ARHGAP21: variants seen among roughly 807,000 people sequenced by gnomAD.
ARHGAP21 encodes rho GTPase-activating protein 21.
ARHGAP21 carries 38 observed loss-of-function variants against 164.6 expected under a neutral mutation model. The observed-to-expected ratio is 0.23, with a 90% CI of 0.18 to 0.30. The LOEUF is 0.30. Ranked by LOEUF, ARHGAP21 falls within the 10% of genes least tolerant of loss-of-function variation. The pLI, the probability that ARHGAP21 is intolerant of heterozygous loss-of-function variation, is 1.00. For missense variants in ARHGAP21, 1,822 were observed against 2,370.7 expected, an observed-to-expected ratio of 0.77 and a Z score of 4.81; for synonymous variants, 766 against 857.9, an observed-to-expected ratio of 0.89 and a Z score of 1.87.
chr10:24,656,577 G>A (rs1273040551), intron 4 of ARHGAP21, among the ~76,000 whole-genome samples: 1 of 85,738 alleles, frequency 1.2e-5, no homozygotes, highest in Admixed American at 1.0e-4. Context: ...GGGGGGGTCA[G>A]CCCTCCGCCC....
chr10:24,701,946 T>C (rs1350265156), intron 2 of ARHGAP21, among the ~76,000 whole-genome samples: 3 of 152,128 alleles, frequency 2.0e-5, no homozygotes, highest in African/African-American at 7.2e-5. Context: ...CAGCTGTCAT[T>C]GGACTTGAAG....
intron 2 of ARHGAP21, among the ~76,000 whole-genome samples, chr10:24,671,355 T>A (rs980477789): frequency 3.6e-4 from 55 of 152,258 alleles, no homozygotes; most frequent in African/African-American, 1.3e-3. Flanking sequence ...AACACATTTC[T>A]CTCTGGTCAT....
At chr10:24,625,547 C>A (rs1835059579) in intron 7 of ARHGAP21, among the ~76,000 whole-genome samples, 1 of 152,006 alleles carries the variant, frequency 6.6e-6, no homozygotes, top group Non-Finnish European at 1.5e-5. Flanking sequence ...ATATTTTCAA[C>A]CAGCACATAC....
intron 2 of ARHGAP21, among the ~76,000 whole-genome samples, chr10:24,681,651 T>A (rs948425058): frequency 1.4e-3 from 207 of 152,194 alleles, no homozygotes; most frequent in Non-Finnish European, 2.4e-3. Context: ...TTTTTTTTTT[T>A]CCATTTTACC....
intron 4 of ARHGAP21, among the ~76,000 whole-genome samples, chr10:24,649,987 G>T (rs1387416321): frequency 6.6e-6 from 1 of 151,950 alleles, no homozygotes; most frequent in Non-Finnish European, 1.5e-5. Flanking sequence ...GAAATTTACT[G>T]AACATATATT....
At chr10:24,617,097 A>C (rs1391564317) in intron 9 of ARHGAP21, among the ~76,000 whole-genome samples, 3 of 152,164 alleles carry the variant, frequency 2.0e-5, no homozygotes, top group African/African-American at 7.2e-5. Flanking sequence ...AAGTCAAATA[A>C]GATAGGAACT....
chr10:24,644,813 CTG>C (rs1393118742), intron 4 of ARHGAP21, among the ~76,000 whole-genome samples: 9 of 152,216 alleles, frequency 5.9e-5, no homozygotes, highest in Admixed American at 5.9e-4. Context: ...TTTGTCCTCT[CTG>C]TGTATGGTTT....
At chr10:24,654,035 A>T (rs185004726) in intron 4 of ARHGAP21, among the ~76,000 whole-genome samples, 1 of 152,352 alleles carries the variant, frequency 6.6e-6, no homozygotes, top group African/African-American at 2.4e-5. Flanking sequence ...AACCACGATT[A>T]TCTCAACAGA....
Position 24,723,853 on chromosome 10 carries a change from A to G in ARHGAP21, c.-672T>C, listed in dbSNP as rs1230956455. On this transcript the variant is annotated 5_prime_UTR_variant, in exon 1 of 26. Transcript: ENST00000396432. ...GCCTCGCCGGGCCGGGCCGGGGCCC[A>G]GCTCCGGCGCCCGCGAACGCCAAGT... Among the ~76,000 whole-genome samples, 1 of 150,246 alleles carries G rather than the reference A, an allele frequency of 6.7e-6. No homozygotes were observed. The highest frequency in any genetic ancestry group is 1.5e-5 in the Non-Finnish European group (1 of 67,496).
intron 2 of ARHGAP21, among the ~76,000 whole-genome samples, chr10:24,685,116 A>G (rs565096842): frequency 6.6e-6 from 1 of 152,228 alleles, no homozygotes; most frequent in South Asian, 2.1e-4. Context: ...CCATTCATGT[A>G]TTTCTTCCTC....
intron 2 of ARHGAP21, among the ~76,000 whole-genome samples, chr10:24,678,754 A>T (rs887572341): frequency 6.6e-6 from 1 of 152,112 alleles, no homozygotes; most frequent in Non-Finnish European, 1.5e-5. Flanking sequence ...GCTGGCCTCA[A>T]ACTCCTGGGC....
intron 4 of ARHGAP21, among the ~76,000 whole-genome samples, chr10:24,640,796 C>T (rs1836927722): frequency 1.3e-5 from 2 of 151,550 alleles, no homozygotes; most frequent in African/African-American, 4.9e-5. Context: ...AGAAAAAAAA[C>T]AGCATGTAGA....
At chr10:24,643,822 T>C (rs987525893) in intron 4 of ARHGAP21, among the ~76,000 whole-genome samples, 3 of 152,218 alleles carry the variant, frequency 2.0e-5, no homozygotes, top group African/African-American at 7.2e-5. Flanking sequence ...AGTCTCTTGC[T>C]TGCATTTTAA....
chr10:24,630,878 C>A (rs1453846408), intron 6 of ARHGAP21, among the ~76,000 whole-genome samples: 2 of 152,206 alleles, frequency 1.3e-5, no homozygotes, highest in African/African-American at 4.8e-5. Context: ...AACTACTGAG[C>A]TGACTCATTT....
At chr10:24,719,129 A>ACACCCC (rs566976409) in intron 2 of ARHGAP21, among the ~76,000 whole-genome samples, 1 of 146,920 alleles carries the variant, frequency 6.8e-6, no homozygotes, top group Non-Finnish European at 1.5e-5. Flanking sequence ...ACACACACAC[A>ACACCCC]CCCCAAAAAT....
intron 25 of ARHGAP21, among the ~76,000 whole-genome samples, chr10:24,589,050 A>T (rs1489848181): frequency 6.6e-6 from 1 of 152,296 alleles, no homozygotes; most frequent in African/African-American, 2.4e-5. Context: ...GTATTATGCT[A>T]AAACTGCACA....
intron 4 of ARHGAP21, among the ~76,000 whole-genome samples, chr10:24,637,501 G>C (rs1420642224): frequency 2.2e-4 from 33 of 152,100 alleles, no homozygotes; most frequent in Admixed American, 2.2e-3. Context: ...ATGTCTTCTA[G>C]TCCACTGTGT....
intron 4 of ARHGAP21, among the ~76,000 whole-genome samples, chr10:24,645,485 A>G (rs1391877104): frequency 3.9e-5 from 6 of 151,904 alleles, no homozygotes; most frequent in Admixed American, 3.3e-4. Flanking sequence ...TAGGGAGGCT[A>G]AGGCAGGATA....
chr10:24,646,999 T>C (rs1837635605), intron 4 of ARHGAP21, among the ~76,000 whole-genome samples: 1 of 152,186 alleles, frequency 6.6e-6, no homozygotes, highest in African/African-American at 2.4e-5. Context: ...GCCATGCACT[T>C]TTCTTCTTTT....
Sources: allele counts gnomAD v4.1 joint callset (sites outside exome capture counted in the v4.1 genomes callset), GRCh38; gene constraint gnomAD v4.1.1; transcripts MANE v1.5; gene names NCBI Gene and HGNC (gene_info 2026-07-23, HGNC 2026-07-21).